The following OXR1 variants were observed in gnomAD, a reference collection of about 807,000 sequenced individuals.
OXR1 encodes the protein oxidation resistance 1.
OXR1 carries 41 observed loss-of-function variants against 104.6 expected under a neutral mutation model. The ratio of observed to expected loss-of-function variants is 0.39; its 90% CI spans 0.31 to 0.51. OXR1 has a LOEUF of 0.51. Ranked by LOEUF, OXR1 falls within the 20% of genes least tolerant of loss-of-function variation. OXR1 has a pLI of 0.77. For missense variants in OXR1, 955 were observed against 1,031.9 expected, an observed-to-expected ratio of 0.93 and a Z score of 1.02; for synonymous variants, 348 against 348.4, an observed-to-expected ratio of 1.00 and a Z score of 0.01.
chr8:106,528,041 G>A (rs757300104), intron 3 of OXR1, among the ~76,000 whole-genome samples: 2 of 152,096 alleles, frequency 1.3e-5, no homozygotes, highest in Admixed American at 6.6e-5. Flanking sequence ...TTCATAAGAC[G>A]ATACTTAGTT....
At chr8:106,476,117 A>G (rs534111433) in intron 2 of OXR1, among the ~76,000 whole-genome samples, 12 of 151,924 alleles carry the variant, frequency 7.9e-5, no homozygotes, top group African/African-American at 2.9e-4. Flanking sequence ...CTTGCATAAC[A>G]CTGACAACTC....
At chr8:106,388,673 C>A (rs1198717794) in intron 2 of OXR1, among the ~76,000 whole-genome samples, 1 of 152,196 alleles carries the variant, frequency 6.6e-6, no homozygotes, top group Non-Finnish European at 1.5e-5. Flanking sequence ...CCGCCCGCCT[C>A]GGCCTCCCAA....
intron 2 of OXR1, among the ~76,000 whole-genome samples, chr8:106,480,756 G>T (rs1822065359): frequency 6.6e-6 from 1 of 151,882 alleles, no homozygotes; most frequent in Non-Finnish European, 1.5e-5. Flanking sequence ...TAAGATTTCT[G>T]AGCCTTAAAT....
intron 1 of OXR1, among the ~76,000 whole-genome samples, chr8:106,339,125 T>C (rs903484802): frequency 3.5e-4 from 54 of 152,276 alleles, no homozygotes; most frequent in African/African-American, 1.2e-3. Flanking sequence ...TGTGTCCACA[T>C]TGATAAATTT....
At chr8:106,435,339 T>C (rs1819526600) in intron 2 of OXR1, among the ~76,000 whole-genome samples, 1 of 152,134 alleles carries the variant, frequency 6.6e-6, no homozygotes, top group South Asian at 2.1e-4. Flanking sequence ...ACCTTACTGC[T>C]CTTGACAGAG....
At chr8:106,685,953 G>A (rs940552754) in intron 6 of OXR1, among the ~76,000 whole-genome samples, 4 of 152,178 alleles carry the variant, frequency 2.6e-5, no homozygotes, top group Non-Finnish European at 1.5e-5. Flanking sequence ...TCATAAAAAG[G>A]AATGAAAGAA....
chr8:106,722,447 A>G (rs1832897093), intron 11 of OXR1, among the ~76,000 whole-genome samples: 1 of 152,214 alleles, frequency 6.6e-6, no homozygotes, highest in African/African-American at 2.4e-5. Flanking sequence ...ATTAGAATTT[A>G]TTAGTTGATA....
chr8:106,302,114 T>C (rs758567539), intron 1 of OXR1, among the ~76,000 whole-genome samples: 1 of 152,064 alleles, frequency 6.6e-6, no homozygotes, highest in Admixed American at 6.6e-5. Flanking sequence ...TTATAAAGAG[T>C]TCATGGCCAT....
chr8:106,294,866 G>A (rs1389913419), intron 1 of OXR1, among the ~76,000 whole-genome samples: 2 of 151,944 alleles, frequency 1.3e-5, no homozygotes, highest in East Asian at 1.9e-4. Flanking sequence ...ACTTTTATGC[G>A]GCCTTTCATA....
intron 2 of OXR1, among the ~76,000 whole-genome samples, chr8:106,437,098 A>G (rs1287237430): frequency 6.6e-6 from 1 of 152,102 alleles, no homozygotes; most frequent in Non-Finnish European, 1.5e-5. Context: ...ACTTTCTCTT[A>G]CCCTTTATGC....
At chr8:106,696,680 CTG>C (rs1353154897) in intron 7 of OXR1, among the ~76,000 whole-genome samples, 1 of 152,150 alleles carries the variant, frequency 6.6e-6, no homozygotes, top group African/African-American at 2.4e-5. Flanking sequence ...TAATATCTCA[CTG>C]TGTTAATTAG....
intron 2 of OXR1, among the ~76,000 whole-genome samples, chr8:106,421,730 C>T (rs1308961994): frequency 1.7e-5 from 2 of 116,428 alleles, no homozygotes; most frequent in Non-Finnish European, 3.5e-5. Flanking sequence ...AAGAAAGAAA[C>T]TATATCAAAT....
intron 2 of OXR1, among the ~76,000 whole-genome samples, chr8:106,411,792 C>CTTA (rs1818467033): frequency 6.6e-6 from 1 of 152,086 alleles, no homozygotes; most frequent in African/African-American, 2.4e-5. Flanking sequence ...TAAACCATAC[C>CTTA]ACCTTAGATA....
chr8:106,510,342 T>C (rs1285232044), intron 2 of OXR1, among the ~76,000 whole-genome samples: 1 of 152,158 alleles, frequency 6.6e-6, no homozygotes, highest in Non-Finnish European at 1.5e-5. Context: ...TTTCCATGAA[T>C]GTAGTAATTA....
intron 3 of OXR1, among the ~76,000 whole-genome samples, chr8:106,635,943 T>G (rs989996818): frequency 2.6e-5 from 4 of 152,194 alleles, no homozygotes; most frequent in African/African-American, 9.7e-5. Context: ...TCACAAGAAA[T>G]GATTCCATGG....
intron 15 of OXR1, among the ~76,000 whole-genome samples, chr8:106,745,278 A>C (rs1405754334): frequency 6.6e-6 from 1 of 152,186 alleles, no homozygotes; most frequent in Admixed American, 6.5e-5. Context: ...TTAAGTTCTC[A>C]CTGTTTAAAG....
intron 2 of OXR1, among the ~76,000 whole-genome samples, chr8:106,462,513 A>T (rs779805819): frequency 2.1e-4 from 32 of 152,180 alleles, no homozygotes; most frequent in Non-Finnish European, 3.8e-4. Flanking sequence ...TGGATAAGCT[A>T]TTTAAAAGTC....
At chr8:106,283,016 A>G (rs941453493) in intron 1 of OXR1, among the ~76,000 whole-genome samples, 1 of 152,164 alleles carries the variant, frequency 6.6e-6, no homozygotes, top group African/African-American at 2.4e-5. Context: ...TCTTTCTTTG[A>G]TTCCTCCCAG....
intron 7 of OXR1, among the ~76,000 whole-genome samples, chr8:106,701,839 TAAA>T (rs1830605472): frequency 3.9e-5 from 6 of 152,230 alleles, no homozygotes; most frequent in Admixed American, 2.0e-4. Context: ...AATATGCATA[TAAA>T]GCATGGTACA....
Sources: allele counts gnomAD v4.1 joint callset (sites outside exome capture counted in the v4.1 genomes callset), GRCh38; gene constraint gnomAD v4.1.1; transcripts MANE v1.5; gene names NCBI Gene and HGNC (gene_info 2026-07-23, HGNC 2026-07-21).